Variants in PCDH9 observed in about 807,000 individuals in gnomAD.
PCDH9 encodes protocadherin 9, also known as protocadherin-9.
In PCDH9, 24 loss-of-function variants were observed where a neutral mutation model predicts 70.6. That is an observed-to-expected ratio of 0.34 (90% CI 0.25 to 0.48). The LOEUF is 0.48. Ranked by LOEUF, PCDH9 falls within the 20% of genes least tolerant of loss-of-function variation. The pLI is 0.99. For synonymous variants in PCDH9, 562 were observed against 558.5 expected (o/e 1.01, Z -0.09); for missense variants, 1,281 against 1,503.6 (o/e 0.85, Z 2.45).
intron 3 of PCDH9, among the ~76,000 whole-genome samples, chr13:66,646,487 T>G (rs1298145496): frequency 1.3e-5 from 2 of 152,334 alleles, no homozygotes; most frequent in Admixed American, 1.3e-4. Flanking sequence ...ACAAGAAATA[T>G]GTGTTGAATG....
At chr13:66,373,926 A>G (rs529271516) in intron 4 of PCDH9, among the ~76,000 whole-genome samples, 1 of 152,204 alleles carries the variant, frequency 6.6e-6, no homozygotes, top group South Asian at 2.1e-4. Context: ...TGCTTATATC[A>G]TAGGATTATT....
intron 4 of PCDH9, among the ~76,000 whole-genome samples, chr13:66,378,506 C>A (rs889263947): frequency 6.6e-6 from 1 of 152,122 alleles, no homozygotes; most frequent in African/African-American, 2.4e-5. Flanking sequence ...GTAAAGACTG[C>A]ATTTTTTAAA....
rs529087391 is a variant in PCDH9, at chr13:66,941,602, G to A, written c.3037-37997C>T. On this transcript the variant is annotated intron_variant, in intron 2 of 4. Transcript: ENST00000377865. ...ACCATTCAAAAGAAAGCCAGAGTGG[G>A]CATGCTAATAATACATAAAGTAGAT... Among the ~76,000 whole-genome samples the A allele has an allele frequency of 2.6e-4, 39 of 151,892 alleles. 1 individual carries two copies. Among genetic ancestry groups the A allele is most frequent in the African/African-American group, 7.9e-4 (33 of 41,554 alleles).
chr13:67,035,212 C>T (rs2084986357), intron 2 of PCDH9, among the ~76,000 whole-genome samples: 1 of 151,968 alleles, frequency 6.6e-6, no homozygotes, highest in African/African-American at 2.4e-5. Flanking sequence ...AAATACTGTC[C>T]AAAGTTTGCA....
At chr13:66,643,698 T>C (rs1030463073) in intron 3 of PCDH9, among the ~76,000 whole-genome samples, 4 of 152,204 alleles carry the variant, frequency 2.6e-5, no homozygotes, top group South Asian at 4.1e-4. Flanking sequence ...AAAATGTAGT[T>C]ACTTTAGAAG....
intron 3 of PCDH9, among the ~76,000 whole-genome samples, chr13:66,810,103 T>A (rs187724007): frequency 6.4e-4 from 97 of 152,300 alleles, no homozygotes; most frequent in African/African-American, 2.3e-3. Flanking sequence ...TGTTTCTTAC[T>A]ATCATAAAAC....
At chr13:66,868,747 C>T (rs1025708533) in intron 3 of PCDH9, among the ~76,000 whole-genome samples, 1 of 151,970 alleles carries the variant, frequency 6.6e-6, no homozygotes, top group Non-Finnish European at 1.5e-5. Flanking sequence ...TAGATTGAAT[C>T]CTAGTTGGTA....
chr13:67,108,701 CAAAT>C (rs913471356), intron 2 of PCDH9, among the ~76,000 whole-genome samples: 3 of 152,062 alleles, frequency 2.0e-5, no homozygotes, highest in Admixed American at 1.3e-4. Flanking sequence ...ATTTTTTAAT[CAAAT>C]AAATCTACAA....
At chr13:66,642,575 A>T (rs1293407351) in intron 3 of PCDH9, among the ~76,000 whole-genome samples, 1 of 152,034 alleles carries the variant, frequency 6.6e-6, no homozygotes, top group African/African-American at 2.4e-5. Context: ...TATGGTTTTG[A>T]ATTGTTTTGA....
chr13:66,544,853 C>G (rs143698773), intron 4 of PCDH9, among the ~76,000 whole-genome samples: 2 of 152,174 alleles, frequency 1.3e-5, no homozygotes, highest in East Asian at 1.9e-4. Context: ...GTTTTCCTCT[C>G]CATATGGTTT....
At chr13:67,031,581 G>A (rs1430536848) in intron 2 of PCDH9, among the ~76,000 whole-genome samples, 1 of 152,132 alleles carries the variant, frequency 6.6e-6, no homozygotes, top group African/African-American at 2.4e-5. Flanking sequence ...TACTAGGGAG[G>A]CTGAGGCAGG....
At chr13:66,405,372 T>C (rs1380862980) in intron 4 of PCDH9, among the ~76,000 whole-genome samples, 1 of 152,194 alleles carries the variant, frequency 6.6e-6, no homozygotes, top group Non-Finnish European at 1.5e-5. Context: ...TACAAATGCA[T>C]CTTCCTTTGC....
chr13:66,713,625 G>GTATATATATATATATA lies in PCDH9; in HGVS notation c.3139-82230_3139-82215dup, dbSNP rs67681559. Among the ~76,000 whole-genome samples, 175 of 109,940 alleles carry GTATATATATATATATA rather than the reference G, an allele frequency of 1.6e-3. 2 individuals carry two copies. The highest frequency in any genetic ancestry group is 4.0e-3 in the East Asian group (16 of 3,952). The allele number at this position is 109,940 out of a possible 152,430, so 72.1% of individuals were successfully genotyped here. ...ATATATATATAAAGTGTGTGTGTGT[G>GTATATATATATATATA]TATATATATATATATATATATATAT... On this transcript the variant is annotated intron_variant, in intron 3 of 4. Coordinates refer to ENST00000377865, the MANE Select transcript of PCDH9 (RefSeq NM_203487.3).
intron 2 of PCDH9, among the ~76,000 whole-genome samples, chr13:67,138,846 A>G (rs1246530229): frequency 6.6e-6 from 1 of 152,218 alleles, no homozygotes; most frequent in Non-Finnish European, 1.5e-5. Flanking sequence ...AAAATAGCCT[A>G]TACATATGAG....
At chr13:67,050,876 C>T (rs1219769905) in intron 2 of PCDH9, among the ~76,000 whole-genome samples, 1 of 152,148 alleles carries the variant, frequency 6.6e-6, no homozygotes, top group East Asian at 1.9e-4. Flanking sequence ...TACAAAACAA[C>T]ATGTATTGAT....
intron 4 of PCDH9, among the ~76,000 whole-genome samples, chr13:66,517,136 CTTTAA>C (rs931834611): frequency 2.0e-5 from 3 of 152,028 alleles, no homozygotes; most frequent in African/African-American, 7.2e-5. Flanking sequence ...TTTCTGGTAT[CTTTAA>C]TTTATATAAA....
At chr13:66,750,095 GCA>G (rs144359101) in intron 3 of PCDH9, among the ~76,000 whole-genome samples, 7 of 151,444 alleles carry the variant, frequency 4.6e-5, no homozygotes, top group African/African-American at 1.2e-4. Context: ...ACGTGCATGT[GCA>G]CACACACACA....
At chr13:66,621,126 C>A (rs369577467) in intron 4 of PCDH9, among the ~76,000 whole-genome samples, 1 of 152,208 alleles carries the variant, frequency 6.6e-6, no homozygotes, top group East Asian at 1.9e-4. Flanking sequence ...CTCATGATCC[C>A]CACCTCCTGA....
intron 2 of PCDH9, among the ~76,000 whole-genome samples, chr13:66,911,955 T>C (rs2082474740): frequency 6.6e-6 from 1 of 152,190 alleles, no homozygotes; most frequent in Non-Finnish European, 1.5e-5. Flanking sequence ...ACAATTGTTT[T>C]GCAGTTCATT....
Sources: allele counts gnomAD v4.1 joint callset (sites outside exome capture counted in the v4.1 genomes callset), GRCh38; gene constraint gnomAD v4.1.1; transcripts MANE v1.5; gene names NCBI Gene and HGNC (gene_info 2026-07-23, HGNC 2026-07-21).